Variants in BTBD2 observed in about 807,000 individuals in gnomAD.
BTBD2 encodes the protein BTB domain containing 2, also known as BTB/POZ domain-containing protein 2.
In BTBD2, 15 loss-of-function variants were observed where a neutral mutation model predicts 44.0. That is an observed-to-expected ratio of 0.34 (90% CI 0.23 to 0.53). The LOEUF (loss-of-function observed/expected upper bound fraction) is 0.53, where lower values mean the gene tolerates loss of function less well. BTBD2 is among the 20% of genes least tolerant of loss of function. The pLI, the probability that BTBD2 is intolerant of heterozygous loss-of-function variation, is 0.95. For synonymous variants in BTBD2, 443 were observed against 335.9 expected (o/e 1.32, Z -3.49); for missense variants, 657 against 746.4 (o/e 0.88, Z 1.39).
At chr19:1,995,573 C>T (rs373403475) in intron 2 of BTBD2, among the ~76,000 whole-genome samples, 315 of 151,484 alleles carry the variant, frequency 2.1e-3, no homozygotes, top group African/African-American at 7.5e-3. Flanking sequence ...TGAGCCACTG[C>T]GCCTGGCCAC....
intron 2 of BTBD2, 144 bp from the exon 3 acceptor site, chr19:1,993,320 G>A: frequency 1.6e-6 from 2 of 1,238,960 alleles, no homozygotes; most frequent in South Asian, 1.6e-5. Flanking sequence ...GGTTCCCCGA[G>A]GAACCTTCCA....
At chr19:2,012,301 C>A (rs571028469) in intron 1 of BTBD2, among the ~76,000 whole-genome samples, 1 of 150,832 alleles carries the variant, frequency 6.6e-6, no homozygotes, top group African/African-American at 2.5e-5. Flanking sequence ...TACAGGTGTG[C>A]GCCACCACGC....
intron 2 of BTBD2, among the ~76,000 whole-genome samples, chr19:1,997,080 T>A (rs528145019): frequency 3.8e-4 from 58 of 150,998 alleles, no homozygotes; most frequent in African/African-American, 1.3e-3. Flanking sequence ...CTTAGGAGGT[T>A]GAGGCAGGAA....
rs528899764 is a variant in BTBD2 at position 2,011,923 on chromosome 19, C to T, written c.407+3374G>A. Among the ~76,000 whole-genome samples, 10 of 152,088 alleles carry T rather than the reference C, an allele frequency of 6.6e-5. No individual in the cohort carries two copies. In the South Asian group the frequency reaches 8.3e-4, roughly 13 times the overall value. On this transcript the variant is annotated intron_variant, in intron 1 of 8. Transcript: ENST00000255608. Reference sequence around the variant, plus strand: ...AGGCTGGAGTGCAGTAGCGCAACCTCGGCTCACTGCAACCTCCGCCTCCCG... The same window carrying T: ...AGGCTGGAGTGCAGTAGCGCAACCTTGGCTCACTGCAACCTCCGCCTCCCG...
At chr19:2,000,353 G>A (rs1599355694) in intron 1 of BTBD2, among the ~76,000 whole-genome samples, 2 of 152,228 alleles carry the variant, frequency 1.3e-5, no homozygotes, top group East Asian at 3.9e-4. Flanking sequence ...GAGTACCTGT[G>A]CGTGGGACTT....
At chr19:1,998,771 G>A (rs952024401) in intron 1 of BTBD2, among the ~76,000 whole-genome samples, 1 of 152,180 alleles carries the variant, frequency 6.6e-6, no homozygotes, top group African/African-American at 2.4e-5. Flanking sequence ...CACAGCATAG[G>A]GGGGTCACAG....
intron 5 of BTBD2, chr19:1,988,271 G>A (rs1163017978): frequency 1.3e-5 from 2 of 153,902 alleles, no homozygotes; most frequent in South Asian, 2.0e-4. Context: ...CAGGCAGAGG[G>A]ACTGTGCATG....
chr19:1,997,952 TACACATGCACTCATTCATTCATCC>T (rs1459340740), intron 1 of BTBD2, among the ~76,000 whole-genome samples: 1 of 152,208 alleles, frequency 6.6e-6, no homozygotes, highest in Admixed American at 6.6e-5. Flanking sequence ...ACTCAACTCA[TACACATGCACTCATTCATTCATCC>T]ACACATGCAT....
At chr19:1,992,035 G>C (rs1255309847) in intron 3 of BTBD2, 2 of 152,188 alleles carry the variant, frequency 1.3e-5, no homozygotes, top group Non-Finnish European at 2.9e-5. Flanking sequence ...AGTGAGCTGA[G>C]ATCGTGCCAT....
chr19:1,995,771 C>A (rs56307174), intron 2 of BTBD2, among the ~76,000 whole-genome samples: 23 of 149,664 alleles, frequency 1.5e-4, no homozygotes, highest in African/African-American at 5.4e-4. Flanking sequence ...CAAGTAGCTG[C>A]GACTACGGGC....
At chr19:1,994,027 A>G (rs1024470316) in intron 2 of BTBD2, among the ~76,000 whole-genome samples, 5 of 113,704 alleles carry the variant, frequency 4.4e-5, no homozygotes, top group South Asian at 3.0e-4. Context: ...AAAAAAAAAA[A>G]GCAGCACAGG....
chr19:1,998,290 G>C (rs1003557208), intron 1 of BTBD2, among the ~76,000 whole-genome samples: 1 of 152,180 alleles, frequency 6.6e-6, no homozygotes, highest in Non-Finnish European at 1.5e-5. Context: ...CCAAATGGCC[G>C]AACAGCCCCC....
At chr19:2,014,415 T>C (rs115798077) in intron 1 of BTBD2, 3,493 of 94,858 alleles carry the variant, frequency 0.037, 155 homozygotes, top group African/African-American at 0.13. Context: ...GGGTGGTGGG[T>C]GGGGGTGCAG....
chr19:1,990,701 G>A lies in BTBD2; in HGVS notation c.790+16C>T. 1 of 1,581,434 alleles carries A rather than the reference G, an allele frequency of 6.3e-7. No individual in the cohort carries two copies. The highest frequency in any genetic ancestry group is 8.6e-7 in the Non-Finnish European group (1 of 1,163,668). ...GCCCCGCTGGGATTCCCACACCTGG[G>A]CTCCTGGGCCCTTACCCAGGTCAAT... On this transcript the variant is annotated intron_variant, in intron 4 of 8. Coordinates refer to ENST00000255608, the MANE Select transcript of BTBD2 (RefSeq NM_017797.4).
At chr19:1,990,310 T>C (rs4807191) in intron 4 of BTBD2, 109 bp from the exon 5 acceptor site, 584,193 of 1,246,266 alleles carry the variant, frequency 0.47, 145,469 homozygotes, top group African/African-American at 0.87. Flanking sequence ...CTGGCAACTA[T>C]GGCCCGTGGC....
rs2145616306 is a variant in BTBD2, at chr19:1,987,483, T to G, written c.1181+17A>C. On this transcript the variant is annotated intron_variant, in intron 6 of 8. Coordinates refer to ENST00000255608, the MANE Select transcript of BTBD2 (RefSeq NM_017797.4). ...ACCCCCATGTCCGGACCCCCCCGCC[T>G]GCACCCCAAGCCCCACCTGATGCGG... 12 of 1,046,532 alleles carry G rather than the reference T, an allele frequency of 1.1e-5. No individual in the cohort carries two copies. Among genetic ancestry groups the G allele is most frequent in the South Asian group, 1.4e-5 (1 of 69,396 alleles). The allele number at this position is 1,046,532 out of a possible 1,614,324, so 64.8% of individuals were successfully genotyped here. A position where few individuals can be genotyped will look rare whatever the true frequency, so the allele number is the denominator to read the frequency against.
chr19:1,987,056 G>A (rs1485390616), intron 7 of BTBD2, 80 bp from the exon 8 acceptor site: 2 of 1,587,888 alleles, frequency 1.3e-6, no homozygotes, highest in Admixed American at 1.7e-5. Flanking sequence ...CACCTGCCCA[G>A]GGTGGGGGCA....
intron 4 of BTBD2, chr19:1,990,513 G>C (rs2016160278): frequency 3.2e-6 from 2 of 618,724 alleles, no homozygotes; most frequent in East Asian, 2.8e-5. Context: ...AGCTGGGATG[G>C]TGGGCTCTGG....
chr19:1,998,248 G>T (rs1199453961), intron 1 of BTBD2, among the ~76,000 whole-genome samples: 1 of 152,196 alleles, frequency 6.6e-6, no homozygotes, highest in Admixed American at 6.5e-5. Context: ...ACAGGCACAG[G>T]GCCTGGCCTC....
Sources: allele counts gnomAD v4.1 joint callset (sites outside exome capture counted in the v4.1 genomes callset), GRCh38; gene constraint gnomAD v4.1.1; transcripts MANE v1.5; gene names NCBI Gene and HGNC (gene_info 2026-07-23, HGNC 2026-07-21).